Variants in WDR27 observed in about 807,000 individuals in gnomAD.
WDR27 encodes WD repeat domain 27.
WDR27 carries 100 observed loss-of-function variants against 114.4 expected under a neutral mutation model. The ratio of observed to expected loss-of-function variants is 0.87; its 90% CI spans 0.74 to 1.03. The LOEUF is 1.03. Among genes scored for constraint, WDR27 ranks in the 50% least tolerant of loss-of-function variants. The pLI is 0.00. For missense variants in WDR27, 1,129 were observed against 1,092.9 expected (o/e 1.03, Z -0.47); for synonymous variants, 449 against 423.1 (o/e 1.06, Z -0.75).
chr6:169,525,233 C>A (rs1197014187), intron 25 of WDR27, among the ~76,000 whole-genome samples: 1 of 152,076 alleles, frequency 6.6e-6, no homozygotes, highest in Non-Finnish European at 1.5e-5. Flanking sequence ...TATCATTTCA[C>A]CCCGGTTAAA....
At chr6:169,661,640 A>G (rs73240748) in intron 9 of WDR27, among the ~76,000 whole-genome samples, 10,496 of 151,976 alleles carry the variant, frequency 0.069, 667 homozygotes, top group East Asian at 0.19. Flanking sequence ...AAGCCTCAAA[A>G]TGCCTCAGGT....
the WDR27 span, among the ~76,000 whole-genome samples, chr6:169,444,255 C>T: frequency 1.3e-5 from 2 of 152,226 alleles, no homozygotes; most frequent in South Asian, 4.1e-4. Flanking sequence ...CCTGCCCACC[C>T]TCTACTTCCC....
At chr6:169,551,989 A>G (rs1584156410) in intron 25 of WDR27, among the ~76,000 whole-genome samples, 1 of 152,062 alleles carries the variant, frequency 6.6e-6, no homozygotes, top group African/African-American at 2.4e-5. Context: ...TCAGTGATCT[A>G]CTCAATACCC....
At chr6:169,694,264 T>C (rs996489780) in intron 1 of WDR27, among the ~76,000 whole-genome samples, 4 of 152,160 alleles carry the variant, frequency 2.6e-5, no homozygotes, top group Admixed American at 2.6e-4. Context: ...TGAGCCGAGA[T>C]TGCGCTGTTG....
chr6:169,629,617 GTAAGCAATATGTTT>G, intron 21 of WDR27, among the ~76,000 whole-genome samples: 1 of 152,130 alleles, frequency 6.6e-6, no homozygotes, highest in Non-Finnish European at 1.5e-5. Flanking sequence ...AGAAAGCATG[GTAAGCAATATGTTT>G]TAAATGTAAA....
In WDR27 at chr6:169,684,988, T is replaced by G. The variant is rs1782528515; in HGVS notation, c.189+3829A>C. The stretch of plus-strand genomic sequence containing the variant: ...TGAGAAATACCAGGTGAACCCATCC[T>G]TGGCAAAGCTACACAACCATCACCA... On this transcript the variant is annotated intron_variant, in intron 2 of 25. Coordinates refer to ENST00000448612, the MANE Select transcript of WDR27 (RefSeq NM_182552.5). This position sits in a 1 kb window ranked among gnomAD's most constrained non-coding sequence, Gnocchi z 4.3. 6.6e-6 allele frequency among the ~76,000 whole-genome samples: 1 copy of G among 152,208 alleles called. No individual in the cohort carries two copies. The highest frequency in any genetic ancestry group is 1.5e-5 in the Non-Finnish European group (1 of 68,046).
Position 169,649,237 on chromosome 6 carries a change from T to G in WDR27, c.1520A>C (p.Glu507Ala), listed in dbSNP as rs1821613091. The G allele has an allele frequency of 6.3e-7, 1 of 1,578,524 alleles. No individual in the cohort carries two copies. Among genetic ancestry groups the G allele is most frequent in the African/African-American group, 1.3e-5 (1 of 74,196 alleles). Reference protein sequence around the residue: ...MFSPKTNIKSEGKGSSRSRSS... With the variant: ...MFSPKTNIKSAGKGSSRSRSS... ...CCTGCTCCTTGAAGATCCTTTCCCCTCACTCTTGATGTTGGTCTTTGGTGA... is the reference window on the plus strand; with the variant it reads ...CCTGCTCCTTGAAGATCCTTTCCCCGCACTCTTGATGTTGGTCTTTGGTGA... Residue 507 changes from glutamate (E) to alanine (A), a missense_variant, in exon 15 of 26, where the codon GAG becomes GCG. Transcript: ENST00000448612.
In WDR27 at chr6:169,622,973, G is replaced by A. The variant is rs559532604; in HGVS notation, c.2224-9317C>T. Among the ~76,000 whole-genome samples, 4 of 152,300 alleles carry A rather than the reference G, an allele frequency of 2.6e-5. No individual in the cohort carries two copies. The South Asian group carries it at 8.3e-4, about 32-fold the overall frequency. ...GCCTGGGGACCAGACTGCCTTTGTA[G>A]GACCTACAAATTAGCTCAAAGATTA... On this transcript the variant is annotated intron_variant, in intron 21 of 25. Coordinates refer to ENST00000448612, the MANE Select transcript of WDR27 (RefSeq NM_182552.5).
At chr6:169,427,232 A>C in the WDR27 span, among the ~76,000 whole-genome samples, 2 of 152,126 alleles carry the variant, frequency 1.3e-5, no homozygotes, top group South Asian at 4.1e-4. Flanking sequence ...TGGGAGAGCA[A>C]GTGGCTACCT....
rs145041337 is a variant in WDR27, at chr6:169,662,361, G to C, written c.968C>G (p.Pro323Arg). ...ATCACAGGGTGCAAGTCTCAGTACA[G>C]GAAATGTTACTTCAACCTGCTCTCC... ...GKGEQVEVTF[P>R]VLRLAPCDLS... The change falls in exon 9 of 26, where the codon CCT becomes CGT. Residue 323 changes from proline (P) to arginine (R), a missense_variant. Coordinates refer to ENST00000448612, the MANE Select transcript of WDR27 (RefSeq NM_182552.5). The C allele has an allele frequency of 3.2e-5, 51 of 1,614,058 alleles. No homozygotes were observed. Among genetic ancestry groups the C allele is most frequent in the Non-Finnish European group, 4.2e-5 (49 of 1,179,892 alleles).
At chr6:169,596,625 T>TA (rs1035718292) in intron 23 of WDR27, among the ~76,000 whole-genome samples, 6 of 151,896 alleles carry the variant, frequency 4.0e-5, no homozygotes, top group East Asian at 1.9e-4. Flanking sequence ...TTTGTATTAT[T>TA]AAAAAAAACT....
At chr6:169,451,244 A>G in the WDR27 span, among the ~76,000 whole-genome samples, 1 of 152,232 alleles carries the variant, frequency 6.6e-6, no homozygotes, top group African/African-American at 2.4e-5. Context: ...AAAAGAATGC[A>G]GCCATTTGTC....
At chr6:169,522,753 A>C (rs1794530979) in intron 25 of WDR27, among the ~76,000 whole-genome samples, 1 of 152,032 alleles carries the variant, frequency 6.6e-6, no homozygotes, top group Non-Finnish European at 1.5e-5. Context: ...AGAAAATTTA[A>C]AAATATCTTA....
chr6:169,621,422 G>A (rs940856264), intron 21 of WDR27, among the ~76,000 whole-genome samples: 68 of 147,274 alleles, frequency 4.6e-4, no homozygotes, highest in Middle Eastern at 3.9e-3. Context: ...ATACACACAC[G>A]CGCATTCACA....
intron 8 of WDR27, 21 bp downstream of exon 8, chr6:169,664,145 G>A: frequency 1.3e-6 from 2 of 1,559,248 alleles, no homozygotes; most frequent in Non-Finnish European, 1.7e-6. Context: ...GGAGGCCTGA[G>A]GGAGGGTCTG....
rs543919750 is a variant in WDR27, at chr6:169,659,908, G to A, written c.1130-390C>T. 4.6e-5 allele frequency among the ~76,000 whole-genome samples: 7 copies of A among 152,040 alleles called. No individual in the cohort carries two copies. Among genetic ancestry groups the A allele is most frequent in the African/African-American group, 1.4e-4 (6 of 41,478 alleles). ...GGCTGAGTTTTCAAGGAGAAGCTGC[G>A]CCTGGCTGAGCTGGGGAGGGGCAGG... On this transcript the variant is annotated intron_variant, in intron 10 of 25. Transcript: ENST00000448612. This position sits in a 1 kb window ranked among gnomAD's most constrained non-coding sequence, Gnocchi z 4.3.
intron 25 of WDR27, among the ~76,000 whole-genome samples, chr6:169,531,157 C>T (rs1030719365): frequency 2.0e-5 from 3 of 152,168 alleles, no homozygotes; most frequent in African/African-American, 4.8e-5. Flanking sequence ...ACATTTTGTA[C>T]ATAAAAATGT....
chr6:169,555,026 C>T (rs1431027767), intron 25 of WDR27, among the ~76,000 whole-genome samples: 1 of 152,140 alleles, frequency 6.6e-6, no homozygotes, highest in East Asian at 1.9e-4. Flanking sequence ...TGATTTATTT[C>T]ACCAGCATTC....
chr6:169,633,026 A>G lies in WDR27; in HGVS notation c.2144T>C (p.Phe715Ser). The change falls in exon 21 of 26, where the codon TTT becomes TCT. Residue 715 changes from phenylalanine to serine, a missense_variant. Transcript: ENST00000448612. ...TGCACTGCAGCCGGCGTTGAGGTCA[A>G]ACACTTCCACGGTCCTGTTCCGGCC... Reference protein sequence around the residue: ...AAGRNRTVEVFDLNAGCSAAV... With the variant: ...AAGRNRTVEVSDLNAGCSAAV... The G allele has an allele frequency of 6.3e-7, 1 of 1,598,340 alleles. No individual in the cohort carries two copies. The highest frequency in any genetic ancestry group is 1.1e-5 in the South Asian group (1 of 90,410).
Sources: gnomAD v4.1 joint callset for allele counts (sites outside exome capture counted in the v4.1 genomes callset) on GRCh38, gnomAD v4.1.1 for gene constraint, Gnocchi (gnomAD v3.1) non-coding constraint, MANE v1.5 for transcripts, NCBI Gene and HGNC (gene_info 2026-07-23, HGNC 2026-07-21) for gene names.